The following PTPRK variants were observed in gnomAD, a reference collection of about 807,000 sequenced individuals.
PTPRK encodes protein tyrosine phosphatase receptor type K.
A neutral mutation model predicts 178.0 loss-of-function variants in PTPRK; 75 were observed. The ratio of observed to expected loss-of-function variants is 0.42; its 90% CI spans 0.35 to 0.51. The LOEUF is 0.51. Among genes scored for constraint, PTPRK ranks in the 20% least tolerant of loss-of-function variants. PTPRK has a pLI of 0.02. For synonymous variants in PTPRK, 637 were observed against 620.6 expected, an observed-to-expected ratio of 1.03 and a Z score of -0.39; for missense variants, 1,441 against 1,797.8, an observed-to-expected ratio of 0.80 and a Z score of 3.59.
At chr6:128,450,119 CAA>C (rs546499574) in intron 1 of PTPRK, among the ~76,000 whole-genome samples, 9 of 90,556 alleles carry the variant, frequency 9.9e-5, no homozygotes, top group Admixed American at 1.1e-4. Context: ...CGCATCTCAA[CAA>C]AAAAAAAAAA....
rs1181164410 is a variant in PTPRK, at chr6:128,463,771, G to A, written c.100+56488C>T. Reference sequence around the variant, plus strand: ...TTTTTTTTTTTTTTTTTTTTTTTGAGACAGAGTTTCACTCTTGTCACCCAG... The same window carrying A: ...TTTTTTTTTTTTTTTTTTTTTTTGAAACAGAGTTTCACTCTTGTCACCCAG... On this transcript the variant is annotated intron_variant, in intron 1 of 29. Coordinates refer to ENST00000368226, the MANE Select transcript of PTPRK (RefSeq NM_002844.4). Among the ~76,000 whole-genome samples, 6 of 74,046 alleles carry A rather than the reference G, an allele frequency of 8.1e-5. No homozygotes were observed. The East Asian group carries it at 2.1e-3, about 26-fold the overall frequency. The allele number at this position is 74,046 out of a possible 152,430, so 48.6% of individuals were successfully genotyped here.
At chr6:128,049,289 A>C (rs1778601638) in intron 13 of PTPRK, among the ~76,000 whole-genome samples, 1 of 152,194 alleles carries the variant, frequency 6.6e-6, no homozygotes, top group African/African-American at 2.4e-5. Flanking sequence ...TGGGAAAATT[A>C]GATACAACCA....
chr6:128,377,898 T>C (rs1048351399), intron 2 of PTPRK, among the ~76,000 whole-genome samples: 15 of 152,154 alleles, frequency 9.9e-5, no homozygotes, highest in Non-Finnish European at 1.8e-4. Context: ...GCATATAAAT[T>C]AGGCTGAATT....
At chr6:128,268,744 T>C (rs187490151) in intron 3 of PTPRK, among the ~76,000 whole-genome samples, 4 of 152,188 alleles carry the variant, frequency 2.6e-5, no homozygotes, top group Admixed American at 1.3e-4. Context: ...CAGTCCTTTA[T>C]CTGGAGTACT....
At chr6:128,023,722 T>G (rs1319058276) in intron 13 of PTPRK, among the ~76,000 whole-genome samples, 1 of 152,314 alleles carries the variant, frequency 6.6e-6, no homozygotes, top group Non-Finnish European at 1.5e-5. Context: ...GGAGCTATCT[T>G]GGCTCAGTGC....
chr6:128,455,432 A>G (rs1217218417), intron 1 of PTPRK, among the ~76,000 whole-genome samples: 1 of 152,164 alleles, frequency 6.6e-6, no homozygotes, highest in Admixed American at 6.5e-5. Context: ...CTACAGTGAG[A>G]TATGCTCAAA....
chr6:128,464,624 TATATATATATACAC>T (rs1292068259), intron 1 of PTPRK, among the ~76,000 whole-genome samples: 20 of 74,222 alleles, frequency 2.7e-4, no homozygotes, highest in Middle Eastern at 6.3e-3. Flanking sequence ...CATATACATA[TATATATATATACAC>T]ATATATATAT....
chr6:128,124,624 A>T (rs1202247547), intron 7 of PTPRK, among the ~76,000 whole-genome samples: 1 of 152,004 alleles, frequency 6.6e-6, no homozygotes, highest in Non-Finnish European at 1.5e-5. Context: ...GCAACCACTG[A>T]TCCCTTTATC....
chr6:128,113,933 A>G (rs2114353444), intron 7 of PTPRK, among the ~76,000 whole-genome samples: 1 of 152,274 alleles, frequency 6.6e-6, no homozygotes, highest in Non-Finnish European at 1.5e-5. Flanking sequence ...GTGTTTGAGT[A>G]AAACTGTGAT....
Position 128,036,589 on chromosome 6 carries a change from GC to G in PTPRK, c.2195-27322del, listed in dbSNP as rs201336740. Among the ~76,000 whole-genome samples the G allele has an allele frequency of 8.8e-3, 1,334 of 152,132 alleles. 45 individuals carry two copies. Among genetic ancestry groups the G allele is most frequent in the East Asian group, 0.052 (270 of 5,186 alleles). On this transcript the variant is annotated intron_variant, in intron 13 of 29. Coordinates refer to ENST00000368226, the MANE Select transcript of PTPRK (RefSeq NM_002844.4). The stretch of plus-strand genomic sequence containing the variant: ...TCTTCAGTCTATGTTTAATAACACT[GC>G]AAGTACTTAATAAACTAAAATACTG...
intron 7 of PTPRK, among the ~76,000 whole-genome samples, chr6:128,099,191 T>C (rs894875732): frequency 3.3e-5 from 5 of 149,404 alleles, no homozygotes; most frequent in Non-Finnish European, 5.9e-5. Flanking sequence ...TATATATATA[T>C]ATATATTTTT....
chr6:128,255,558 C>T (rs1328165128), intron 3 of PTPRK, among the ~76,000 whole-genome samples: 2 of 152,216 alleles, frequency 1.3e-5, no homozygotes, highest in Non-Finnish European at 2.9e-5. Flanking sequence ...AAGGCCTTTG[C>T]CAAAGACATC....
chr6:128,229,680 C>G (rs1811975616), intron 5 of PTPRK, among the ~76,000 whole-genome samples: 1 of 151,848 alleles, frequency 6.6e-6, no homozygotes, highest in Admixed American at 6.6e-5. Context: ...TGGAGAGGTG[C>G]CCACTAAGCA....
At chr6:128,125,102 G>A (rs1342270165) in intron 7 of PTPRK, among the ~76,000 whole-genome samples, 1 of 152,154 alleles carries the variant, frequency 6.6e-6, no homozygotes, top group Non-Finnish European at 1.5e-5. Flanking sequence ...CAAATTTTCT[G>A]TACAATCCTA....
intron 3 of PTPRK, among the ~76,000 whole-genome samples, chr6:128,268,977 C>T (rs1819373426): frequency 6.6e-6 from 1 of 151,952 alleles, no homozygotes; most frequent in South Asian, 2.1e-4. Context: ...GGTAGGAAAT[C>T]AGAAACTGTA....
rs1253390243 is a variant in PTPRK, at chr6:127,969,924, A to T, written c.*303T>A. 1 of 228,330 alleles carries T rather than the reference A, an allele frequency of 4.4e-6. No individual in the cohort carries two copies. The highest frequency in any genetic ancestry group is 5.7e-5 in the Admixed American group (1 of 17,650). The allele number at this position is 228,330 out of a possible 1,614,324, so 14.1% of individuals were successfully genotyped here. On this transcript the variant is annotated 3_prime_UTR_variant, in exon 30 of 30. Transcript: ENST00000368226. The stretch of plus-strand genomic sequence containing the variant: ...ATGTGGTAGCTGCTCTACTGAAACC[A>T]TGAGAAAAAAGGTGGCATGTTCACT...
intron 3 of PTPRK, among the ~76,000 whole-genome samples, chr6:128,310,841 T>C (rs1241265105): frequency 6.6e-6 from 1 of 152,180 alleles, no homozygotes; most frequent in Non-Finnish European, 1.5e-5. Flanking sequence ...CAATGAATCT[T>C]ACTTGGCATA....
chr6:128,208,372 T>C lies in PTPRK; in HGVS notation c.868+10550A>G, dbSNP rs534433177. 2.0e-5 allele frequency among the ~76,000 whole-genome samples: 3 copies of C among 151,956 alleles called. No individual in the cohort carries two copies. In the South Asian group the frequency reaches 6.2e-4, roughly 32 times the overall value. On this transcript the variant is annotated intron_variant, in intron 6 of 29. Coordinates refer to ENST00000368226, the MANE Select transcript of PTPRK (RefSeq NM_002844.4). ...GTAGGAAAAAGGTCCAGGAGCATTA[T>C]TATCAGGAGCAATAAAATTCTGAAG...
intron 5 of PTPRK, among the ~76,000 whole-genome samples, chr6:128,228,602 G>C (rs1416528915): frequency 6.7e-6 from 1 of 149,060 alleles, no homozygotes; most frequent in Non-Finnish European, 1.5e-5. Context: ...GGAGCTTGCA[G>C]TGAGCGGAGA....
Sources: gnomAD v4.1 joint callset for allele counts (sites outside exome capture counted in the v4.1 genomes callset) on GRCh38, gnomAD v4.1.1 for gene constraint, MANE v1.5 for transcripts, NCBI Gene and HGNC (gene_info 2026-07-23, HGNC 2026-07-21) for gene names.